Variants in SEZ6L observed in about 807,000 individuals in gnomAD.
The protein encoded by SEZ6L is seizure 6-like protein.
Under a neutral mutation model 106.2 loss-of-function variants are expected in SEZ6L, and 37 were observed. The ratio of observed to expected loss-of-function variants is 0.35; its 90% CI spans 0.27 to 0.46. The LOEUF is 0.46. Among genes scored for constraint, SEZ6L ranks in the 20% least tolerant of loss-of-function variants. SEZ6L has a pLI of 1.00. For missense variants in SEZ6L, 1,172 were observed against 1,332.8 expected (o/e 0.88, Z 1.88); for synonymous variants, 541 against 570.4 (o/e 0.95, Z 0.73).
chr22:26,272,441 G>A lies in SEZ6L; in HGVS notation c.95-19965G>A, dbSNP rs149797790. Among the ~76,000 whole-genome samples, 816 of 152,292 alleles carry A rather than the reference G, an allele frequency of 5.4e-3. 7 individuals carry two copies. The highest frequency in any genetic ancestry group is 0.019 in the African/African-American group (784 of 41,546). On this transcript the variant is annotated intron_variant, in intron 1 of 16. Transcript: ENST00000248933. ...TTTGTGTTTGGGCCACAAAAAAACC[G>A]AATTTTTACCCACGGTTATCACCAC...
intron 10 of SEZ6L, among the ~76,000 whole-genome samples, chr22:26,341,400 C>T (rs1198531427): frequency 6.6e-6 from 1 of 152,170 alleles, no homozygotes; most frequent in Admixed American, 6.5e-5. Flanking sequence ...TCATTACTAG[C>T]TCTACGACCC....
intron 1 of SEZ6L, among the ~76,000 whole-genome samples, chr22:26,246,980 C>T (rs748734639): frequency 2.6e-5 from 4 of 152,166 alleles, no homozygotes; most frequent in Non-Finnish European, 5.9e-5. Context: ...TGAGTGCGAA[C>T]GTGCTTTGCA....
chr22:26,200,763 C>G (rs1940886676), intron 1 of SEZ6L, among the ~76,000 whole-genome samples: 1 of 152,224 alleles, frequency 6.6e-6, no homozygotes, highest in Non-Finnish European at 1.5e-5. Context: ...TAAACATACT[C>G]TGTGCCTCTG....
intron 1 of SEZ6L, among the ~76,000 whole-genome samples, chr22:26,268,742 C>A (rs1355364036): frequency 6.6e-6 from 1 of 152,190 alleles, no homozygotes; most frequent in Non-Finnish European, 1.5e-5. Flanking sequence ...CCACTATATA[C>A]CAGTAGTACC....
At chr22:26,276,127 T>C (rs959829571) in intron 1 of SEZ6L, among the ~76,000 whole-genome samples, 1 of 152,222 alleles carries the variant, frequency 6.6e-6, no homozygotes, top group Non-Finnish European at 1.5e-5. Context: ...CTGTCCCTGT[T>C]GTGTCTAAAG....
At chr22:26,348,126 G>A (rs768639423) in intron 11 of SEZ6L, among the ~76,000 whole-genome samples, 5 of 152,102 alleles carry the variant, frequency 3.3e-5, no homozygotes, top group African/African-American at 4.8e-5. Flanking sequence ...TAATGTAAAC[G>A]AGTGAGATAA....
At chr22:26,365,810 G>C (rs1249882753) in intron 13 of SEZ6L, among the ~76,000 whole-genome samples, 2 of 151,926 alleles carry the variant, frequency 1.3e-5, no homozygotes, top group Non-Finnish European at 2.9e-5. Flanking sequence ...GGAGGTCAAG[G>C]TTGCAGTGAG....
chr22:26,204,372 T>C (rs1435740145), intron 1 of SEZ6L, among the ~76,000 whole-genome samples: 1 of 152,220 alleles, frequency 6.6e-6, no homozygotes, highest in Non-Finnish European at 1.5e-5. Context: ...ACCACAAATA[T>C]AGCACTTACT....
intron 1 of SEZ6L, among the ~76,000 whole-genome samples, chr22:26,267,018 G>A (rs553687069): frequency 6.6e-6 from 1 of 152,340 alleles, no homozygotes; most frequent in East Asian, 1.9e-4. Context: ...CAATTAGAGG[G>A]AAGGTATTTT....
At chr22:26,187,801 A>G (rs535451693) in intron 1 of SEZ6L, among the ~76,000 whole-genome samples, 1 of 152,358 alleles carries the variant, frequency 6.6e-6, no homozygotes, top group Non-Finnish European at 1.5e-5. Flanking sequence ...ATTGCTGGGT[A>G]AATTAAACAA....
intron 13 of SEZ6L, 104 bp downstream of exon 13, chr22:26,365,670 C>A: frequency 2.0e-6 from 2 of 1,008,038 alleles, no homozygotes; most frequent in East Asian, 2.6e-5. Flanking sequence ...ACTAGGAGTT[C>A]GAGACCAGCC....
At chr22:26,272,258 T>C (rs1049990832) in intron 1 of SEZ6L, among the ~76,000 whole-genome samples, 4 of 152,232 alleles carry the variant, frequency 2.6e-5, no homozygotes, top group African/African-American at 9.6e-5. Context: ...AGGAATTTCA[T>C]CAAGCTGTGT....
At chr22:26,172,562 A>G (rs1008692133) in intron 1 of SEZ6L, among the ~76,000 whole-genome samples, 1 of 152,084 alleles carries the variant, frequency 6.6e-6, no homozygotes, top group African/African-American at 2.4e-5. Flanking sequence ...CAATATACCT[A>G]CTGTGCAGAC....
chr22:26,270,923 CTTAG>C (rs1170498888), intron 1 of SEZ6L, among the ~76,000 whole-genome samples: 1 of 152,154 alleles, frequency 6.6e-6, no homozygotes. Context: ...TCATTTCATG[CTTAG>C]TTAAAGAGGA....
At chr22:26,328,219 A>G (rs1315122965) in intron 9 of SEZ6L, among the ~76,000 whole-genome samples, 1 of 152,224 alleles carries the variant, frequency 6.6e-6, no homozygotes, top group Admixed American at 6.5e-5. Flanking sequence ...AGGTGGCAGC[A>G]TAAGTGCCCT....
chr22:26,378,804 C>T (rs1437845089), intron 16 of SEZ6L, among the ~76,000 whole-genome samples: 1 of 152,150 alleles, frequency 6.6e-6, no homozygotes, highest in African/African-American at 2.4e-5. Context: ...GCAGCCATCT[C>T]CCAACGTTTG....
At chr22:26,320,493 G>T (rs1196747806) in intron 9 of SEZ6L, among the ~76,000 whole-genome samples, 5 of 152,210 alleles carry the variant, frequency 3.3e-5, no homozygotes, top group Non-Finnish European at 2.9e-5. Flanking sequence ...AATCATCATG[G>T]ACATGTGAGG....
At chr22:26,283,662 G>T (rs1461599429) in intron 1 of SEZ6L, among the ~76,000 whole-genome samples, 2 of 152,146 alleles carry the variant, frequency 1.3e-5, no homozygotes, top group African/African-American at 4.8e-5. Context: ...GCCATACATT[G>T]TTCACAGATA....
At chr22:26,330,151 G>T (rs1001108733) in intron 9 of SEZ6L, among the ~76,000 whole-genome samples, 2 of 152,208 alleles carry the variant, frequency 1.3e-5, no homozygotes, top group East Asian at 3.9e-4. Flanking sequence ...AGGGATTGGG[G>T]TGAAGACATG....
Sources: allele counts gnomAD v4.1 joint callset (sites outside exome capture counted in the v4.1 genomes callset), GRCh38; gene constraint gnomAD v4.1.1; transcripts MANE v1.5; gene names NCBI Gene and HGNC (gene_info 2026-07-23, HGNC 2026-07-21).